The following GALNT13 variants were observed in gnomAD, a reference collection of about 807,000 sequenced individuals.
The protein encoded by GALNT13 is polypeptide N-acetylgalactosaminyltransferase 13.
A neutral mutation model predicts 64.2 loss-of-function variants in GALNT13; 28 were observed. The ratio of observed to expected loss-of-function variants is 0.44; its 90% confidence interval spans 0.32 to 0.60. GALNT13 has a LOEUF of 0.60. Ranked by LOEUF, GALNT13 falls within the 20% of genes least tolerant of loss-of-function variation. The probability of loss-of-function intolerance (pLI) is 0.05; values close to 1 mark genes in which losing one functional copy is unlikely to be tolerated. For synonymous variants in GALNT13, 214 were observed against 224.6 expected, an observed-to-expected ratio of 0.95 and a Z score of 0.42; for missense variants, 577 against 669.8, an observed-to-expected ratio of 0.86 and a Z score of 1.53.
At chr2:154,063,672 C>A (rs1437917425) in intron 3 of GALNT13, among the ~76,000 whole-genome samples, 6 of 152,096 alleles carry the variant, frequency 3.9e-5, no homozygotes, top group Non-Finnish European at 7.4e-5. Flanking sequence ...CTAGAGCAAT[C>A]AAAAATTAAT....
At chr2:153,412,710 T>C in the GALNT13 span, among the ~76,000 whole-genome samples, 2 of 152,212 alleles carry the variant, frequency 1.3e-5, no homozygotes, top group Non-Finnish European at 2.9e-5. Flanking sequence ...ATTTCTTTTG[T>C]TCAAAGAACA....
chr2:154,011,257 T>C (rs974299721), intron 3 of GALNT13, among the ~76,000 whole-genome samples: 1 of 128,040 alleles, frequency 7.8e-6, no homozygotes, highest in African/African-American at 2.9e-5. Context: ...GCTGTGGCCC[T>C]GAGATTCTGG....
chr2:154,088,276 A>C (rs1195080890), intron 3 of GALNT13, among the ~76,000 whole-genome samples: 4 of 152,106 alleles, frequency 2.6e-5, no homozygotes, highest in Non-Finnish European at 5.9e-5. Context: ...GAAGAAAAAA[A>C]CTATCCTGTA....
chr2:153,188,844 A>G, the GALNT13 span, among the ~76,000 whole-genome samples: 1 of 152,106 alleles, frequency 6.6e-6, no homozygotes, highest in African/African-American at 2.4e-5. Context: ...TTCTTGGTAC[A>G]TAGTATTTGC....
At chr2:154,202,107 G>T (rs561730115) in intron 4 of GALNT13, among the ~76,000 whole-genome samples, 1 of 152,050 alleles carries the variant, frequency 6.6e-6, no homozygotes, top group South Asian at 2.1e-4. Flanking sequence ...TGCAGGCAAG[G>T]TTGCTCTCTG....
the GALNT13 span, among the ~76,000 whole-genome samples, chr2:153,814,384 A>G: frequency 0.065 from 9,926 of 152,194 alleles, 555 homozygotes; most frequent in South Asian, 0.17. Context: ...AGCTTGCGGT[A>G]AGCCGAGATA....
At chr2:153,151,210 G>C in the GALNT13 span, among the ~76,000 whole-genome samples, 76 of 151,738 alleles carry the variant, frequency 5.0e-4, no homozygotes, top group East Asian at 3.9e-4. Context: ...ATTTTTTGCA[G>C]CCAAAAGACA....
the GALNT13 span, among the ~76,000 whole-genome samples, chr2:153,649,350 T>G: frequency 6.6e-6 from 1 of 152,086 alleles, no homozygotes; most frequent in African/African-American, 2.4e-5. Context: ...TTGATTCTTC[T>G]CTCTTTTCTT....
intron 12 of GALNT13, among the ~76,000 whole-genome samples, chr2:154,445,397 ATATCTTT>A (rs1701516846): frequency 6.6e-6 from 1 of 151,920 alleles, no homozygotes; most frequent in African/African-American, 2.4e-5. Flanking sequence ...ATTTACACTA[ATATCTTT>A]GTTGTTAAAG....
chr2:154,255,513 G>A (rs546683829), intron 7 of GALNT13, among the ~76,000 whole-genome samples: 3 of 152,226 alleles, frequency 2.0e-5, no homozygotes, highest in South Asian at 2.1e-4. Flanking sequence ...GTTAATAGTC[G>A]ATGAGCAAGG....
the GALNT13 span, among the ~76,000 whole-genome samples, chr2:153,598,223 G>A: frequency 6.6e-6 from 1 of 152,130 alleles, no homozygotes. Flanking sequence ...CCAGATATCT[G>A]CCTAATTTCT....
chr2:153,599,995 A>G, the GALNT13 span, among the ~76,000 whole-genome samples: 14 of 151,952 alleles, frequency 9.2e-5, no homozygotes, highest in African/African-American at 3.1e-4. Context: ...TCATGCAAAC[A>G]TTCATCTTTC....
At chr2:153,085,421 G>A in the GALNT13 span, among the ~76,000 whole-genome samples, 1 of 152,162 alleles carries the variant, frequency 6.6e-6, no homozygotes, top group African/African-American at 2.4e-5. Context: ...GGCCTAGGAG[G>A]AAAAAGGTTT....
At chr2:153,864,310 G>C in the GALNT13 span, among the ~76,000 whole-genome samples, 4 of 152,192 alleles carry the variant, frequency 2.6e-5, no homozygotes, top group South Asian at 6.2e-4. Context: ...TCAAAACATG[G>C]AGAGAAAAGG....
chr2:153,591,306 G>T, the GALNT13 span, among the ~76,000 whole-genome samples: 48 of 152,096 alleles, frequency 3.2e-4, no homozygotes, highest in African/African-American at 1.1e-3. Context: ...GAAATAGTAG[G>T]TGACACAAAT....
intron 9 of GALNT13, among the ~76,000 whole-genome samples, chr2:154,360,851 G>T (rs960984716): frequency 6.6e-6 from 1 of 152,016 alleles, no homozygotes; most frequent in Non-Finnish European, 1.5e-5. Context: ...AGAGAAGGAA[G>T]GATGAGATTA....
intron 3 of GALNT13, among the ~76,000 whole-genome samples, chr2:154,010,355 T>G (rs1330861507): frequency 6.6e-6 from 1 of 152,150 alleles, no homozygotes; most frequent in East Asian, 1.9e-4. Context: ...TGAACATGTG[T>G]TTTTTGTTTT....
At chr2:154,155,569 A>T (rs1684364660) in intron 4 of GALNT13, among the ~76,000 whole-genome samples, 1 of 152,046 alleles carries the variant, frequency 6.6e-6, no homozygotes, top group Non-Finnish European at 1.5e-5. Context: ...TTGCTGAGGG[A>T]AAATGTGATT....
chr2:154,182,443 C>CAATA (rs1277255467), intron 4 of GALNT13, among the ~76,000 whole-genome samples: 2 of 151,790 alleles, frequency 1.3e-5, no homozygotes, highest in Non-Finnish European at 2.9e-5. Context: ...TTTTTGTGTA[C>CAATA]AATAATATTG....
Sources: allele counts gnomAD v4.1 joint callset (sites outside exome capture counted in the v4.1 genomes callset), GRCh38; gene constraint gnomAD v4.1.1; transcripts MANE v1.5; gene names NCBI Gene and HGNC (gene_info 2026-07-23, HGNC 2026-07-21).